XXYLT1: variants seen among roughly 807,000 people sequenced by gnomAD.
XXYLT1 encodes xyloside xylosyltransferase 1.
In XXYLT1, 20 loss-of-function variants were observed where a neutral mutation model predicts 28.9. The observed-to-expected ratio is 0.69, with a 90% CI of 0.49 to 1.00. The LOEUF (loss-of-function observed/expected upper bound fraction) is 1.00, where lower values mean the gene tolerates loss of function less well. Among genes scored for constraint, XXYLT1 ranks in the 50% least tolerant of loss-of-function variants. XXYLT1 has a pLI of 0.00. For synonymous variants in XXYLT1, 257 were observed against 253.8 expected, an observed-to-expected ratio of 1.01 and a Z score of -0.12; for missense variants, 542 against 560.1, an observed-to-expected ratio of 0.97 and a Z score of 0.33.
rs56999393 is a variant in XXYLT1 at position 195,170,004 on chromosome 3, T to TACAGGCA, written c.653-13424_653-13423insTGCCTGT. Among the ~76,000 whole-genome samples the TACAGGCA allele has an allele frequency of 1.3e-5, 2 of 150,204 alleles. 1 individual carries two copies. Among genetic ancestry groups the TACAGGCA allele is most frequent in the Non-Finnish European group, 3.0e-5 (2 of 66,806 alleles). ...CCTCAGCCTTCCAAGTAGCTGGGAT[T>TACAGGCA]TCATGCCCGGCTAATTTTGTATTTT... is the stretch of plus-strand genomic sequence containing the variant. On this transcript the variant is annotated intron_variant, in intron 2 of 3. Transcript: ENST00000310380.
At chr3:195,157,467 G>A (rs1252944676) in intron 2 of XXYLT1, among the ~76,000 whole-genome samples, 1 of 152,172 alleles carries the variant, frequency 6.6e-6, no homozygotes, top group Non-Finnish European at 1.5e-5. Flanking sequence ...CTGCCTAAAA[G>A]ACAGGATGAG....
At chr3:195,225,115 T>A (rs1211298527) in intron 2 of XXYLT1, among the ~76,000 whole-genome samples, 1 of 152,178 alleles carries the variant, frequency 6.6e-6, no homozygotes, top group Non-Finnish European at 1.5e-5. Context: ...TTGCAACTCC[T>A]CAGCTTCACC....
At chr3:195,134,029 T>C (rs1320572315) in intron 3 of XXYLT1, among the ~76,000 whole-genome samples, 1 of 152,028 alleles carries the variant, frequency 6.6e-6, no homozygotes, top group Non-Finnish European at 1.5e-5. Context: ...CTCGGCAATA[T>C]AGTGAGACCC....
At chr3:195,177,115 G>A (rs1190337859) in intron 2 of XXYLT1, among the ~76,000 whole-genome samples, 4 of 152,194 alleles carry the variant, frequency 2.6e-5, no homozygotes, top group Non-Finnish European at 2.9e-5. Flanking sequence ...CCCTTCTGCC[G>A]AACTCCTGAA....
chr3:195,188,204 G>C (rs984173227), intron 2 of XXYLT1, among the ~76,000 whole-genome samples: 23 of 152,216 alleles, frequency 1.5e-4, no homozygotes, highest in African/African-American at 5.5e-4. Context: ...CACAAATATA[G>C]GATTTGCTCT....
intron 3 of XXYLT1, chr3:195,147,972 G>A (rs2108661414): frequency 6.6e-6 from 1 of 152,348 alleles, no homozygotes. Context: ...TCAGACACAG[G>A]AAGCTTTTCA....
At chr3:195,246,091 T>C (rs144416637) in intron 1 of XXYLT1, among the ~76,000 whole-genome samples, 82 of 152,354 alleles carry the variant, frequency 5.4e-4, no homozygotes, top group African/African-American at 1.9e-3. Flanking sequence ...CGCCTCCTTC[T>C]CCATCTAGCA....
At chr3:195,075,933 G>T (rs1715087975) in intron 3 of XXYLT1, among the ~76,000 whole-genome samples, 1 of 152,188 alleles carries the variant, frequency 6.6e-6, no homozygotes, top group South Asian at 2.1e-4. Flanking sequence ...CTGCCTGGCA[G>T]GACAGGAGAG....
At chr3:195,194,951 G>T (rs967403123) in intron 2 of XXYLT1, among the ~76,000 whole-genome samples, 2 of 152,148 alleles carry the variant, frequency 1.3e-5, no homozygotes, top group Admixed American at 6.6e-5. Context: ...ACATTTGGAG[G>T]AATGGAAAGG....
intron 3 of XXYLT1, among the ~76,000 whole-genome samples, chr3:195,123,629 C>T (rs551258819): frequency 1.7e-4 from 26 of 152,320 alleles, no homozygotes; most frequent in African/African-American, 5.5e-4. Context: ...CAGATGCTTT[C>T]GCCAGCTGAT....
intron 2 of XXYLT1, among the ~76,000 whole-genome samples, chr3:195,161,861 G>A (rs1233975566): frequency 2.0e-5 from 3 of 152,062 alleles, no homozygotes; most frequent in South Asian, 2.1e-4. Context: ...CAGGTGATCC[G>A]CCCACCTTGG....
rs1715996565 is a variant in XXYLT1 at position 195,089,296 on chromosome 3, A to T, written c.786-19185T>A. 1.3e-5 allele frequency among the ~76,000 whole-genome samples: 2 copies of T among 152,210 alleles called. 1 individual carries two copies. The highest frequency in any genetic ancestry group is 4.1e-4 in the South Asian group (2 of 4,828). ...AGAGAGAAAGGTCGGGTTACCCACAAAGGGAAGCCCATCAGACTAACAGTG... is the reference window on the plus strand; with the variant it reads ...AGAGAGAAAGGTCGGGTTACCCACATAGGGAAGCCCATCAGACTAACAGTG... On this transcript the variant is annotated intron_variant, in intron 3 of 3. Coordinates refer to ENST00000310380, the MANE Select transcript of XXYLT1 (RefSeq NM_152531.5).
Position 195,173,120 on chromosome 3 carries a change from A to G in XXYLT1, c.653-16539T>C, listed in dbSNP as rs73063126. On this transcript the variant is annotated intron_variant, in intron 2 of 3. Coordinates refer to ENST00000310380, the MANE Select transcript of XXYLT1 (RefSeq NM_152531.5). The surrounding 1 kb of genome is among the most constrained non-coding windows in gnomAD (Gnocchi z 4.3). Reference sequence around the variant, plus strand: ...CCTGGCGTCCTGGTACACATCTTGCAAGTCCATCAGGAGCTCTGGCTCTCT... The same window carrying G: ...CCTGGCGTCCTGGTACACATCTTGCGAGTCCATCAGGAGCTCTGGCTCTCT... 0.041 allele frequency among the ~76,000 whole-genome samples: 6,267 copies of G among 152,230 alleles called. 431 individuals carry two copies. The highest frequency in any genetic ancestry group is 0.14 in the African/African-American group (5,953 of 41,514).
chr3:195,081,433 C>T (rs1446972216), intron 3 of XXYLT1, among the ~76,000 whole-genome samples: 6 of 152,120 alleles, frequency 3.9e-5, no homozygotes, highest in Non-Finnish European at 4.4e-5. Flanking sequence ...TTACAGGTGC[C>T]AGGAGGGAGG....
intron 2 of XXYLT1, among the ~76,000 whole-genome samples, chr3:195,169,538 C>T (rs1721292047): frequency 6.6e-6 from 1 of 152,234 alleles, no homozygotes; most frequent in Non-Finnish European, 1.5e-5. Flanking sequence ...ATGGTCCCCG[C>T]CACAATGCGG....
chr3:195,189,656 G>C (rs182824045), intron 2 of XXYLT1, among the ~76,000 whole-genome samples: 79 of 152,224 alleles, frequency 5.2e-4, no homozygotes, highest in African/African-American at 1.7e-3. Flanking sequence ...AAATTATCCA[G>C]TCTGAAGAAT....
chr3:195,089,915 A>C lies in XXYLT1; in HGVS notation c.786-19804T>G, dbSNP rs1228910447. 1.8e-3 allele frequency among the ~76,000 whole-genome samples: 271 copies of C among 152,168 alleles called. 2 individuals carry two copies. The highest frequency in any genetic ancestry group is 6.0e-3 in the African/African-American group (247 of 41,424). ...AAACAGACTTTAAAGCAACAAAGAT[A>C]AAAAGAGACAAAGAAGGCCATTACA... is the stretch of plus-strand genomic sequence containing the variant. On this transcript the variant is annotated intron_variant, in intron 3 of 3. Transcript: ENST00000310380.
chr3:195,094,054 C>A, intron 3 of XXYLT1: 1 of 156,524 alleles, frequency 6.4e-6, no homozygotes. Context: ...TCTTCCTCCT[C>A]CCTGTGTGGA....
At chr3:195,155,879 G>A (rs1720560082) in intron 3 of XXYLT1, among the ~76,000 whole-genome samples, 2 of 149,684 alleles carry the variant, frequency 1.3e-5, no homozygotes. Flanking sequence ...TTTCAGTTTT[G>A]GCTACTACAA....
Sources: gnomAD v4.1 joint callset for allele counts (sites outside exome capture counted in the v4.1 genomes callset) on GRCh38, gnomAD v4.1.1 for gene constraint, Gnocchi (gnomAD v3.1) non-coding constraint, MANE v1.5 for transcripts, NCBI Gene and HGNC (gene_info 2026-07-23, HGNC 2026-07-21) for gene names.